The following ASTN2 variants were observed in gnomAD, a reference collection of about 807,000 sequenced individuals.
ASTN2 encodes astrotactin-2.
In ASTN2, 54 loss-of-function variants were observed where a neutral mutation model predicts 139.8. The observed-to-expected ratio is 0.39, with a 90% CI of 0.31 to 0.48. The LOEUF is 0.48. Among genes scored for constraint, ASTN2 ranks in the 20% least tolerant of loss-of-function variants. The probability of loss-of-function intolerance (pLI) is 0.95; values close to 1 mark genes in which losing one functional copy is unlikely to be tolerated. For missense variants in ASTN2, 1,565 were observed against 1,725.1 expected (o/e 0.91, Z 1.64); for synonymous variants, 756 against 719.5 (o/e 1.05, Z -0.81).
At position 117,222,380 on chromosome 9, in the gene ASTN2, A is replaced by G. The variant is rs145468716; in HGVS notation, c.631-7638T>C. Among the ~76,000 whole-genome samples the G allele has an allele frequency of 9.2e-3, 1,402 of 152,280 alleles. 26 individuals carry two copies. Among genetic ancestry groups the G allele is most frequent in the African/African-American group, 0.032 (1,347 of 41,558 alleles). ...TGGTGCCAAGTATCCAACCACAGTG[A>G]AACTCTCTGCTCCCAGTAAGCTGGG... On this transcript the variant is annotated intron_variant, in intron 2 of 22. Coordinates refer to ENST00000313400, the MANE Select transcript of ASTN2 (RefSeq NM_001365068.1).
At chr9:117,202,969 T>G (rs1383259886) in intron 3 of ASTN2, among the ~76,000 whole-genome samples, 1 of 152,114 alleles carries the variant, frequency 6.6e-6, no homozygotes, top group East Asian at 1.9e-4. Flanking sequence ...CTTCTGGTAC[T>G]CCAATCAATT....
In ASTN2 at chr9:117,095,970, G is replaced by C. The variant is rs978843699; in HGVS notation, c.1276+74C>G. On this transcript the variant is annotated intron_variant, in intron 5 of 22. Coordinates refer to ENST00000313400, the MANE Select transcript of ASTN2 (RefSeq NM_001365068.1). The stretch of plus-strand genomic sequence containing the variant: ...GTTAGAGAAGATTTAGGATTTGCTA[G>C]TGAACACAAAATCTGATTTCCAGGA... 2.8e-6 allele frequency: 4 copies of C among 1,415,162 alleles called. No homozygotes were observed. The Admixed American group carries it at 5.1e-5, about 18-fold the overall frequency. The allele number at this position is 1,415,162 out of a possible 1,614,324, so 87.7% of individuals were successfully genotyped here.
At chr9:116,652,792 C>G (rs1276127748) in intron 16 of ASTN2, among the ~76,000 whole-genome samples, 1 of 152,094 alleles carries the variant, frequency 6.6e-6, no homozygotes, top group Non-Finnish European at 1.5e-5. Context: ...TCACACTTTT[C>G]CTGCCTCTTT....
In ASTN2 at chr9:117,214,498, T is replaced by G; in HGVS notation, c.875A>C (p.Asp292Ala). The G allele has an allele frequency of 6.2e-7, 1 of 1,614,196 alleles. No individual in the cohort carries two copies. The highest frequency in any genetic ancestry group is 2.2e-5 in the East Asian group (1 of 44,864). ...VPIRETPILDDYDCEEDEEPP... is the reference protein window; with the variant it reads ...VPIRETPILDAYDCEEDEEPP... ...CTCCTCATCCTCCTCACAGTCATAG[T>G]CATCCAGGATGGGAGTCTCCCGGAT... Residue 292 changes from aspartate (D) to alanine (A), a missense_variant, in exon 3 of 23, where the codon GAC (aspartate) becomes GCC (alanine). By Grantham distance (126) the Asp-to-Ala change is moderately radical. Coordinates refer to ENST00000313400, the MANE Select transcript of ASTN2 (RefSeq NM_001365068.1).
intron 10 of ASTN2, among the ~76,000 whole-genome samples, chr9:116,938,124 C>T (rs114689145): frequency 0.012 from 1,886 of 152,312 alleles, 43 homozygotes; most frequent in African/African-American, 0.042. Context: ...CTTCTTAACA[C>T]CTGTGGTCTT....
chr9:116,959,978 G>A (rs1307558497), intron 10 of ASTN2, among the ~76,000 whole-genome samples: 2 of 152,150 alleles, frequency 1.3e-5, no homozygotes, highest in African/African-American at 4.8e-5. Flanking sequence ...TTGCCATGGC[G>A]ATGGGGCCAT....
At chr9:116,496,077 G>A (rs1157872993) in intron 19 of ASTN2, among the ~76,000 whole-genome samples, 1 of 152,136 alleles carries the variant, frequency 6.6e-6, no homozygotes, top group East Asian at 1.9e-4. Flanking sequence ...TGCTCAGAAA[G>A]GCCTTCTCTG....
At chr9:117,351,321 A>G (rs1475261213) in intron 1 of ASTN2, among the ~76,000 whole-genome samples, 1 of 152,164 alleles carries the variant, frequency 6.6e-6, no homozygotes, top group Non-Finnish European at 1.5e-5. Flanking sequence ...CTTTCGAGAA[A>G]CTTTTTGTAT....
intron 19 of ASTN2, among the ~76,000 whole-genome samples, chr9:116,530,370 A>T (rs1851292595): frequency 6.6e-6 from 1 of 151,496 alleles, no homozygotes; most frequent in Non-Finnish European, 1.5e-5. Context: ...TGTTGGTCAA[A>T]GGACACAAAA....
At position 116,863,705 on chromosome 9, in the gene ASTN2, C is replaced by T. The variant is rs1832951736; in HGVS notation, c.1918G>A (p.Glu640Lys). The change falls in exon 11 of 23, where the codon GAA becomes AAA. Residue 640 changes from glutamate to lysine, a missense_variant. Around this residue, in one of 4 missense-constraint regions of ASTN2, gnomAD observed 503 missense variants for 591.7 expected, o/e 0.85. Coordinates refer to ENST00000313400, the MANE Select transcript of ASTN2 (RefSeq NM_001365068.1). ...GAAGACAGCAGGTCATTGATGGTTT[C>T]AAAGTATGTGGACAGCATCGCTTCT... The part of the protein sequence containing the change: ...REEAMLSTYF[E>K]TINDLLSSFG... 6.2e-7 allele frequency: 1 copy of T among 1,613,962 alleles called. No homozygotes were observed. Among genetic ancestry groups the T allele is most frequent in the African/African-American group, 1.3e-5 (1 of 74,922 alleles).
chr9:116,850,072 C>A (rs922160478), intron 11 of ASTN2, among the ~76,000 whole-genome samples: 14 of 152,134 alleles, frequency 9.2e-5, no homozygotes, highest in Admixed American at 7.2e-4. Flanking sequence ...GGATGAGGTT[C>A]CCAAGTCCAG....
In ASTN2 at chr9:116,850,144, G is replaced by C. The variant is rs116587891; in HGVS notation, c.2040+13439C>G. ...AAGTGATGGGAATCCAGGATCAACT[G>C]CAACACCCACAGCAAGGCCAGCAAG... On this transcript the variant is annotated intron_variant, in intron 11 of 22. Transcript: ENST00000313400. Among the ~76,000 whole-genome samples, 923 of 152,290 alleles carry C rather than the reference G, an allele frequency of 6.1e-3. 8 individuals are homozygous for C. The highest frequency in any genetic ancestry group is 0.021 in the African/African-American group (865 of 41,560).
At chr9:116,999,890 G>A (rs1017706403) in intron 7 of ASTN2, among the ~76,000 whole-genome samples, 4 of 152,004 alleles carry the variant, frequency 2.6e-5, no homozygotes, top group African/African-American at 9.7e-5. Context: ...AAGTTCAGAA[G>A]TCACACAAGG....
intron 1 of ASTN2, among the ~76,000 whole-genome samples, chr9:117,382,691 G>A (rs1282672111): frequency 6.6e-6 from 1 of 152,184 alleles, no homozygotes; most frequent in Admixed American, 6.5e-5. Flanking sequence ...CCAGTTCTGA[G>A]CTCAAGCCCA....
chr9:117,032,710 T>G (rs1838282183), intron 6 of ASTN2, among the ~76,000 whole-genome samples: 1 of 152,162 alleles, frequency 6.6e-6, no homozygotes, highest in Non-Finnish European at 1.5e-5. Flanking sequence ...CAAGTAGGGA[T>G]GAGAGCAAAT....
At chr9:117,356,932 C>T (rs750126635) in intron 1 of ASTN2, among the ~76,000 whole-genome samples, 7 of 151,718 alleles carry the variant, frequency 4.6e-5, no homozygotes, top group African/African-American at 1.2e-4. Flanking sequence ...GTCTGGTGGG[C>T]GCATGCCTGT....
At chr9:116,684,904 C>G (rs1860105987) in intron 16 of ASTN2, among the ~76,000 whole-genome samples, 1 of 152,192 alleles carries the variant, frequency 6.6e-6, no homozygotes, top group South Asian at 2.1e-4. Flanking sequence ...TGTCCTTGTT[C>G]ATTCCTGGGC....
intron 4 of ASTN2, among the ~76,000 whole-genome samples, chr9:117,120,404 G>T (rs927977397): frequency 6.6e-6 from 1 of 152,272 alleles, no homozygotes; most frequent in South Asian, 2.1e-4. Flanking sequence ...AGTGTATACA[G>T]TAATGTCTCC....
intron 3 of ASTN2, among the ~76,000 whole-genome samples, chr9:117,172,390 G>C (rs969491022): frequency 1.3e-5 from 2 of 152,086 alleles, no homozygotes; most frequent in African/African-American, 4.8e-5. Context: ...CTATATGTTG[G>C]TCTGGGTGGT....
Sources: allele counts gnomAD v4.1 joint callset (sites outside exome capture counted in the v4.1 genomes callset), GRCh38; gene constraint gnomAD v4.1.1; regional missense constraint gnomAD v4.1.1; transcripts MANE v1.5; gene names NCBI Gene and HGNC (gene_info 2026-07-23, HGNC 2026-07-21).